Variants in ANKFN1 observed in about 807,000 individuals in gnomAD.
ANKFN1 encodes the protein ankyrin repeat and fibronectin type III domain containing 1.
Under a neutral mutation model 108.7 loss-of-function variants are expected in ANKFN1, and 74 were observed. The observed-to-expected ratio is 0.68, with a 90% confidence interval of 0.56 to 0.83. The LOEUF is 0.83. Ranked by LOEUF, ANKFN1 falls within the 40% of genes least tolerant of loss-of-function variation. The pLI, the probability that ANKFN1 is intolerant of heterozygous loss-of-function variation, is 0.00. For missense variants in ANKFN1, 1,505 were observed against 1,382.3 expected, an observed-to-expected ratio of 1.09 and a Z score of -1.41; for synonymous variants, 547 against 516.2, an observed-to-expected ratio of 1.06 and a Z score of -0.81.
intron 4 of ANKFN1, among the ~76,000 whole-genome samples, chr17:56,053,299 C>T (rs2143082531): frequency 6.6e-6 from 1 of 152,254 alleles, no homozygotes; most frequent in South Asian, 2.1e-4. Context: ...CACCCCACCT[C>T]ACTACCCTTC....
In ANKFN1 at chr17:56,510,634, G is replaced by GCC. The variant is rs1567716920; in HGVS notation, c.2810_2811dup (p.Asp938ProfsTer9). ...GACCCTTAGCGGCCTAAGCGGCAGC[G>GCC]CCCCCGACGTCCTGCAAGTGCACGA... On this transcript the variant is annotated frameshift_variant, in exon 21 of 21. Coordinates refer to ENST00000682825, the MANE Select transcript of ANKFN1 (RefSeq NM_001370326.1). LOFTEE classifies it low-confidence loss of function (END_TRUNC). 2 of 1,536,002 alleles carry GCC rather than the reference G, an allele frequency of 1.3e-6. No individual in the cohort carries two copies. The highest frequency in any genetic ancestry group is 1.7e-6 in the Non-Finnish European group (2 of 1,146,904).
chr17:56,214,572 G>A (rs537651582), intron 2 of ANKFN1, among the ~76,000 whole-genome samples: 4 of 152,276 alleles, frequency 2.6e-5, no homozygotes, highest in Admixed American at 6.5e-5. Flanking sequence ...CATGGTTAGC[G>A]AAAAAGAATG....
At chr17:56,142,301 T>C (rs1907973235) in intron 4 of ANKFN1, among the ~76,000 whole-genome samples, 1 of 152,196 alleles carries the variant, frequency 6.6e-6, no homozygotes, top group South Asian at 2.1e-4. Flanking sequence ...GCTGCTCTGA[T>C]AATTTTGTCA....
chr17:56,374,544 C>A, intron 7 of ANKFN1, 57 bp from the exon 8 acceptor site: 1 of 1,278,396 alleles, frequency 7.8e-7, no homozygotes, highest in Non-Finnish European at 1.1e-6. Flanking sequence ...GAGGGAGGAA[C>A]GTTGTTTGAA....
chr17:56,497,778 G>A (rs958925998), intron 19 of ANKFN1, among the ~76,000 whole-genome samples: 1 of 152,102 alleles, frequency 6.6e-6, no homozygotes. Context: ...TAAGCATCAT[G>A]TAGACTAACT....
In ANKFN1 at chr17:56,498,916, T is replaced by C. The variant is rs2145444533; in HGVS notation, c.2462T>C (p.Ile821Thr). 6.5e-7 allele frequency: 1 copy of C among 1,535,692 alleles called. No individual in the cohort carries two copies. The highest frequency in any genetic ancestry group is 8.7e-7 in the Non-Finnish European group (1 of 1,146,570). The change falls in exon 20 of 21, where the codon ATC becomes ACC. Residue 821 changes from isoleucine to threonine, a missense_variant. Transcript: ENST00000682825. ...IDEVWREMRW[I>T]MDALQYARYK... ...GAAGTCTGGCGTGAAATGAGATGGA[T>C]CATGGATGCTCTACAGTATGCAAGA...
At chr17:56,374,493 A>T in intron 7 of ANKFN1, 108 bp from the exon 8 acceptor site, 1 of 819,538 alleles carries the variant, frequency 1.2e-6, no homozygotes, top group South Asian at 1.7e-5. Flanking sequence ...GGCTCCACAA[A>T]CAAATGTTTC....
At chr17:56,242,971 A>G (rs1209486053) in intron 3 of ANKFN1, among the ~76,000 whole-genome samples, 1 of 152,110 alleles carries the variant, frequency 6.6e-6, no homozygotes, top group Non-Finnish European at 1.5e-5. Context: ...AAATATTCAT[A>G]GATTTTCTGA....
chr17:56,404,787 G>C (rs2047868353), intron 8 of ANKFN1, among the ~76,000 whole-genome samples: 1 of 152,152 alleles, frequency 6.6e-6, no homozygotes, highest in African/African-American at 2.4e-5. Context: ...ATTTGGGTAG[G>C]CTCTATCAGA....
chr17:56,048,829 C>T (rs1444433052), intron 4 of ANKFN1, among the ~76,000 whole-genome samples: 4 of 152,206 alleles, frequency 2.6e-5, no homozygotes, highest in Admixed American at 1.3e-4. Context: ...GTCTTCCTTC[C>T]CTCCCCTAAC....
At chr17:56,349,740 A>G (rs924296256) in intron 4 of ANKFN1, among the ~76,000 whole-genome samples, 3 of 152,156 alleles carry the variant, frequency 2.0e-5, no homozygotes, top group African/African-American at 7.2e-5. Context: ...TATCACATAT[A>G]CCCCAAAATG....
At chr17:56,406,647 A>T (rs1454426081) in intron 8 of ANKFN1, among the ~76,000 whole-genome samples, 1 of 152,188 alleles carries the variant, frequency 6.6e-6, no homozygotes, top group Non-Finnish European at 1.5e-5. Flanking sequence ...AAATACACAC[A>T]TTATCCATTG....
chr17:56,474,911 T>C (rs1019545790), intron 15 of ANKFN1, among the ~76,000 whole-genome samples: 3 of 152,176 alleles, frequency 2.0e-5, no homozygotes, highest in Admixed American at 6.5e-5. Flanking sequence ...GAGATCAAAT[T>C]TTTTTTCTAG....
intron 4 of ANKFN1, among the ~76,000 whole-genome samples, chr17:56,074,403 C>T (rs1283231849): frequency 6.6e-6 from 1 of 152,192 alleles, no homozygotes; most frequent in African/African-American, 2.4e-5. Context: ...ACTGCGTGAG[C>T]CCTTGATGGC....
chr17:56,436,861 C>T (rs1436415050), intron 8 of ANKFN1, among the ~76,000 whole-genome samples: 2 of 151,134 alleles, frequency 1.3e-5, no homozygotes, highest in African/African-American at 4.9e-5. Context: ...AAAAAGAATT[C>T]CCAGTCACTC....
chr17:56,390,461 G>A (rs2047395991), intron 8 of ANKFN1, among the ~76,000 whole-genome samples: 1 of 152,064 alleles, frequency 6.6e-6, no homozygotes, highest in South Asian at 2.1e-4. Flanking sequence ...TGGGCATTTG[G>A]GTTGGTTCCA....
chr17:56,189,176 T>TG (rs1912602670), intron 1 of ANKFN1, among the ~76,000 whole-genome samples: 1 of 114,976 alleles, frequency 8.7e-6, no homozygotes, highest in African/African-American at 4.6e-5. Context: ...CTGACTTTTT[T>TG]TTTTTTTTTT....
intron 1 of ANKFN1, among the ~76,000 whole-genome samples, chr17:56,208,528 T>C (rs1335206350): frequency 2.6e-5 from 4 of 152,178 alleles, no homozygotes; most frequent in Non-Finnish European, 5.9e-5. Flanking sequence ...GCCAGTGCCT[T>C]AGTCTGTCTA....
chr17:56,378,332 T>G (rs1021455070), intron 8 of ANKFN1, among the ~76,000 whole-genome samples: 1 of 152,246 alleles, frequency 6.6e-6, no homozygotes, highest in African/African-American at 2.4e-5. Context: ...TAGTGTGAAC[T>G]TGATCATAAC....
Sources: allele counts gnomAD v4.1 joint callset (sites outside exome capture counted in the v4.1 genomes callset), GRCh38; gene constraint gnomAD v4.1.1; transcripts MANE v1.5; gene names NCBI Gene and HGNC (gene_info 2026-07-23, HGNC 2026-07-21).